The following STAG2 variants were observed in gnomAD, a reference collection of about 807,000 sequenced individuals.
STAG2 encodes the protein cohesin subunit SA-2.
A neutral mutation model predicts 108.1 loss-of-function variants in STAG2; 14 were observed. The observed-to-expected ratio is 0.13, with a 90% CI of 0.09 to 0.20. STAG2 has a LOEUF of 0.20. Among genes scored for constraint, STAG2 ranks in the 10% least tolerant of loss-of-function variants. The pLI is 1.00. For synonymous variants in STAG2, 307 were observed against 302.7 expected, an observed-to-expected ratio of 1.01 and a Z score of -0.15; for missense variants, 440 against 940.9, an observed-to-expected ratio of 0.47 and a Z score of 6.96.
At chrX:124,013,317 A>G (rs1188171291) in intron 1 of STAG2, among the ~76,000 whole-genome samples, 1 of 97,076 alleles carries the variant, frequency 1.0e-5, no homozygotes, top group African/African-American at 3.7e-5. Flanking sequence ...GCACACACAC[A>G]CACACAAACA....
intron 1 of STAG2, among the ~76,000 whole-genome samples, chrX:123,991,262 G>A (rs1290654291): frequency 8.9e-6 from 1 of 112,111 alleles, no homozygotes; most frequent in African/African-American, 3.2e-5. Flanking sequence ...ACCCATTTGT[G>A]GATTCAGCCA....
chrX:124,050,342 C>T (rs780299220), intron 11 of STAG2, 33 bp downstream of exon 11: 1 of 1,175,517 alleles, frequency 8.5e-7, no homozygotes, highest in Non-Finnish European at 1.1e-6. Flanking sequence ...CTTCTTTCTA[C>T]ACATCGGCGT....
chrX:124,094,200 G>A, intron 33 of STAG2, 56 bp downstream of exon 33: 1 of 1,117,180 alleles, frequency 9.0e-7, no homozygotes, highest in African/African-American at 1.8e-5. Flanking sequence ...TGAAAATTAT[G>A]TTGGATATTT....
rs373076947 is a variant in STAG2 at position 124,066,184 on chromosome X, C to T, written c.2106C>T (p.Asp702=). ...KRITAFHNAH[D]LSKWDLFACN... is the part of the protein sequence containing the mutation. ...TTTTTTTTTTTTACAGTGCCCATGA[C>T]CTTTCAAAGTGGGATTTATTTGCTT... Residue 702 remains aspartate (D), a synonymous_variant, in exon 22 of 35, where the codon GAC becomes GAT. Coordinates refer to ENST00000371145, the MANE Select transcript of STAG2 (RefSeq NM_001042750.2). The T allele has an allele frequency of 5.4e-5, 48 of 883,944 alleles. No individual in the cohort carries two copies. The highest frequency in any genetic ancestry group is 7.6e-5 in the Non-Finnish European group (48 of 633,385). The allele number at this position is 883,944 out of a possible 1,213,427, so 72.8% of individuals were successfully genotyped here.
intron 6 of STAG2, 42 bp downstream of exon 6, chrX:124,037,665 CA>C (rs1474427110): frequency 2.2e-6 from 2 of 899,314 alleles, no homozygotes; most frequent in Admixed American, 2.5e-5. Flanking sequence ...CTCAAATAGT[CA>C]CTTCGTTGTT....
rs2148225967 is a variant in STAG2 at position 124,051,124 on chromosome X, G to A, written c.1021G>A (p.Gly341Ser). The A allele has an allele frequency of 1.3e-6, 1 of 765,492 alleles. No individual in the cohort carries two copies. Among genetic ancestry groups the A allele is most frequent in the South Asian group, 3.2e-5 (1 of 31,067 alleles). The allele number at this position is 765,492 out of a possible 1,213,427, so 63.1% of individuals were successfully genotyped here. ...CTTTTTTTTTTTTTTTTTTTAGCAA[G>A]GTGAAGTAAGACTCAAATGTCTTAC... ...YVGWTMHDKQGEVRLKCLTAL... is the reference protein window; with the variant it reads ...YVGWTMHDKQSEVRLKCLTAL... The change falls in exon 12 of 35, where the codon GGT (glycine) becomes AGT (serine). Residue 341 changes from glycine to serine, a missense_variant. By Grantham distance (56) the Gly-to-Ser change is moderately conservative. Transcript: ENST00000371145.
chrX:123,981,636 A>G (rs2054880312), intron 1 of STAG2, among the ~76,000 whole-genome samples: 1 of 111,675 alleles, frequency 9.0e-6, no homozygotes, highest in African/African-American at 3.3e-5. Flanking sequence ...ATTGGTGTAC[A>G]AATATCTGTT....
At chrX:124,094,236 G>A in intron 33 of STAG2, 92 bp downstream of exon 33, 1 of 972,226 alleles carries the variant, frequency 1.0e-6, no homozygotes, top group Non-Finnish European at 1.4e-6. Flanking sequence ...TACTTACCAA[G>A]AGAAGTAAGT....
chrX:124,053,112 C>G (rs2058091823), intron 13 of STAG2, among the ~76,000 whole-genome samples: 1 of 112,094 alleles, frequency 8.9e-6, no homozygotes, highest in African/African-American at 3.2e-5. Context: ...CTACCACACC[C>G]AGCCAAGATT....
chrX:124,082,225 C>CT (rs2058979712), intron 28 of STAG2, among the ~76,000 whole-genome samples: 1 of 110,983 alleles, frequency 9.0e-6, no homozygotes, highest in African/African-American at 3.3e-5. Flanking sequence ...TTGTAGTGAC[C>CT]TTTTCCCATG....
intron 30 of STAG2, among the ~76,000 whole-genome samples, chrX:124,088,439 A>G (rs1174190579): frequency 9.0e-6 from 1 of 111,047 alleles, no homozygotes; most frequent in Non-Finnish European, 1.9e-5. Flanking sequence ...GGCCAAGTCA[A>G]TGCAATTTTG....
chrX:124,000,164 C>G (rs1229773470), intron 1 of STAG2, among the ~76,000 whole-genome samples: 1 of 110,887 alleles, frequency 9.0e-6, no homozygotes, highest in African/African-American at 3.3e-5. Context: ...GCTAAAAATT[C>G]CTTTCACCTA....
intron 1 of STAG2, among the ~76,000 whole-genome samples, chrX:124,007,701 A>T (rs1281644356): frequency 8.9e-6 from 1 of 112,589 alleles, no homozygotes; most frequent in East Asian, 2.8e-4. Context: ...AAACAAATAC[A>T]TCCATTCATA....
rs1007775767 is a variant in STAG2, at chrX:124,092,246, A to G, written c.3578+1282A>G. Among the ~76,000 whole-genome samples, 12 of 111,871 alleles carry G rather than the reference A, an allele frequency of 1.1e-4. No individual in the cohort carries two copies. The East Asian group carries it at 3.1e-3, about 29-fold the overall frequency. On this transcript the variant is annotated intron_variant, in intron 32 of 34. Transcript: ENST00000371145. ...AGTGGTCTTAACCTCTAGAGACACA[A>G]GGTATACTCTATTACACGTATAGAT...
At chrX:124,057,133 G>C (rs2058229073) in intron 14 of STAG2, among the ~76,000 whole-genome samples, 1 of 111,844 alleles carries the variant, frequency 8.9e-6, no homozygotes, top group Admixed American at 9.5e-5. Context: ...AGAATCCCAA[G>C]AATTCTACAG....
At chrX:124,075,263 A>AC (rs1249322349) in intron 25 of STAG2, among the ~76,000 whole-genome samples, 3 of 112,037 alleles carry the variant, frequency 2.7e-5, no homozygotes, top group African/African-American at 9.7e-5. Flanking sequence ...ATTTCATTTA[A>AC]CAAGGGATAG....
At chrX:124,073,611 C>G (rs764325340) in intron 25 of STAG2, among the ~76,000 whole-genome samples, 2 of 111,502 alleles carry the variant, frequency 1.8e-5, no homozygotes, top group African/African-American at 6.5e-5. Flanking sequence ...TTAGTAGAGA[C>G]GAGGTCTCGC....
intron 1 of STAG2, among the ~76,000 whole-genome samples, chrX:123,987,922 A>G (rs2057986327): frequency 8.9e-6 from 1 of 111,851 alleles, no homozygotes; most frequent in Non-Finnish European, 1.9e-5. Flanking sequence ...GTGCATATGG[A>G]GATGAAAAGT....
chrX:124,036,313 A>G (rs954598698), intron 5 of STAG2, among the ~76,000 whole-genome samples: 1 of 111,949 alleles, frequency 8.9e-6, no homozygotes, highest in Non-Finnish European at 1.9e-5. Flanking sequence ...TTTGTTTTTT[A>G]TACTAGCTCT....
Sources: gnomAD v4.1 joint callset for allele counts (sites outside exome capture counted in the v4.1 genomes callset) on GRCh38, gnomAD v4.1.1 for gene constraint, MANE v1.5 for transcripts, NCBI Gene and HGNC (gene_info 2026-07-23, HGNC 2026-07-21) for gene names.